Variants in SLC4A10 observed in about 807,000 individuals in gnomAD.
SLC4A10 encodes the protein solute carrier family 4 member 10.
SLC4A10 carries 42 observed loss-of-function variants against 137.7 expected under a neutral mutation model. The ratio of observed to expected loss-of-function variants is 0.30; its 90% confidence interval spans 0.24 to 0.39. The LOEUF is 0.39. Ranked by LOEUF, SLC4A10 falls within the 10% of genes least tolerant of loss-of-function variation. The probability of loss-of-function intolerance (pLI) is 1.00; values close to 1 mark genes in which losing one functional copy is unlikely to be tolerated. For synonymous variants in SLC4A10, 474 were observed against 464.1 expected, an observed-to-expected ratio of 1.02 and a Z score of -0.27; for missense variants, 925 against 1,355.0, an observed-to-expected ratio of 0.68 and a Z score of 4.98.
chr2:161,863,054 A>T lies in SLC4A10; in HGVS notation c.758A>T (p.Asp253Val). 1 of 1,613,734 alleles carries T rather than the reference A, an allele frequency of 6.2e-7. No homozygotes were observed. Among genetic ancestry groups the T allele is most frequent in the Non-Finnish European group, 8.5e-7 (1 of 1,179,710 alleles). ...AAACAGTCAGAACCAAATTCCATGG[A>T]CAAAAATGGTAAATGTTTATTTATT... ...GKKQSEPNSM[D>V]KNAGQVVSPQ... Residue 253 changes from aspartate to valine, a missense_variant, in exon 6 of 27, where the codon GAC (aspartate) becomes GTC (valine). Physicochemically the swap from Asp to Val is radical, Grantham distance 152 (BLOSUM62 -3). This residue lies in a region of SLC4A10 where 277 missense variants were observed against 306.1 expected (regional missense o/e 0.90). Coordinates refer to ENST00000446997, the MANE Select transcript of SLC4A10 (RefSeq NM_001178015.2).
At chr2:161,949,088 C>A in intron 17 of SLC4A10, 60 bp from the exon 18 acceptor site, 2 of 1,057,242 alleles carry the variant, frequency 1.9e-6, no homozygotes, top group South Asian at 1.3e-5. Flanking sequence ...AGATTATGTT[C>A]CTGAGTATTC....
rs75276366 is a variant in SLC4A10 at position 161,779,431 on chromosome 2, A to G, written c.130+8377A>G. Among the ~76,000 whole-genome samples, 946 of 152,122 alleles carry G rather than the reference A, an allele frequency of 6.2e-3. 7 individuals are homozygous for G. The highest frequency in any genetic ancestry group is 0.01 in the Non-Finnish European group (709 of 67,934). ...TAAGTAAAGCACCTAGCACAAAGCT[A>G]TTATACAACATAATTCTATCAATGG... On this transcript the variant is annotated intron_variant, in intron 2 of 26. Transcript: ENST00000446997.
rs569946446 is a variant in SLC4A10, at chr2:161,916,862, G to A, written c.1997+10975G>A. On this transcript the variant is annotated intron_variant, in intron 15 of 26. Coordinates refer to ENST00000446997, the MANE Select transcript of SLC4A10 (RefSeq NM_001178015.2). ...TGTTCAACTCCCTTCTCTCTGTCTCGCCTACCGTATATAATTTACTTATCT... is the reference window on the plus strand; with the variant it reads ...TGTTCAACTCCCTTCTCTCTGTCTCACCTACCGTATATAATTTACTTATCT... Among the ~76,000 whole-genome samples the A allele has an allele frequency of 4.0e-4, 61 of 152,018 alleles. 1 individual carries two copies. In the South Asian group the frequency reaches 9.3e-3, roughly 23 times the overall value.
chr2:161,731,507 A>G (rs1049343360), intron 1 of SLC4A10, among the ~76,000 whole-genome samples: 2 of 152,196 alleles, frequency 1.3e-5, no homozygotes, highest in Admixed American at 6.5e-5. Context: ...AGTTTTCTTC[A>G]TAGCAACACT....
chr2:161,773,560 T>A (rs1358383780), intron 2 of SLC4A10, among the ~76,000 whole-genome samples: 1 of 151,848 alleles, frequency 6.6e-6, no homozygotes, highest in African/African-American at 2.4e-5. Context: ...TGAAAATGAG[T>A]GTTTCTCAGG....
intron 7 of SLC4A10, 147 bp from the exon 8 acceptor site, chr2:161,873,769 G>C (rs1352870793): frequency 2.9e-6 from 2 of 699,770 alleles, no homozygotes. Flanking sequence ...GATTAATAGT[G>C]ATCAGCTCCT....
intron 15 of SLC4A10, among the ~76,000 whole-genome samples, chr2:161,914,098 C>T (rs1686525384): frequency 6.6e-6 from 1 of 152,182 alleles, no homozygotes; most frequent in Non-Finnish European, 1.5e-5. Context: ...TCACCCTGAA[C>T]ACTATTCTTA....
chr2:161,655,252 C>G (rs2037347722), intron 1 of SLC4A10, among the ~76,000 whole-genome samples: 1 of 151,914 alleles, frequency 6.6e-6, no homozygotes, highest in African/African-American at 2.4e-5. Flanking sequence ...TTTATTCTAG[C>G]AGTTTTTTGG....
At chr2:161,950,017 T>C (rs1442113425) in intron 18 of SLC4A10, among the ~76,000 whole-genome samples, 2 of 151,982 alleles carry the variant, frequency 1.3e-5, no homozygotes, top group East Asian at 3.9e-4. Context: ...GACTTCTATA[T>C]AGGGCTCTTG....
intron 1 of SLC4A10, among the ~76,000 whole-genome samples, chr2:161,700,747 A>G (rs537811196): frequency 2.0e-5 from 3 of 152,182 alleles, no homozygotes; most frequent in South Asian, 2.1e-4. Flanking sequence ...TTTAGTCAGT[A>G]TTTGACTCAA....
rs144349388 is a variant in SLC4A10 at position 161,629,088 on chromosome 2, A to G, written c.48+4522A>G. Reference sequence around the variant, plus strand: ...ACGATGGCCCGCAAGTAAATGGAGAAATGTGGATGCCACTCTCAGCCCTTC... The same window carrying G: ...ACGATGGCCCGCAAGTAAATGGAGAGATGTGGATGCCACTCTCAGCCCTTC... On this transcript the variant is annotated intron_variant, in intron 1 of 26. Transcript: ENST00000446997. Among the ~76,000 whole-genome samples, 723 of 152,082 alleles carry G rather than the reference A, an allele frequency of 4.8e-3. 6 individuals carry two copies. Among genetic ancestry groups the G allele is most frequent in the Non-Finnish European group, 7.3e-3 (495 of 67,914 alleles).
intron 15 of SLC4A10, among the ~76,000 whole-genome samples, chr2:161,923,062 C>T (rs1303764120): frequency 2.6e-5 from 4 of 152,204 alleles, no homozygotes. Context: ...TTCCAGAAGA[C>T]AGCCGCAGGC....
chr2:161,778,721 G>C (rs926585193), intron 2 of SLC4A10, among the ~76,000 whole-genome samples: 1 of 151,694 alleles, frequency 6.6e-6, no homozygotes, highest in African/African-American at 2.4e-5. Context: ...TAATGAAAAA[G>C]TTAAAATAAT....
chr2:161,922,429 G>A (rs1390775326), intron 15 of SLC4A10, among the ~76,000 whole-genome samples: 6 of 151,952 alleles, frequency 3.9e-5, no homozygotes, highest in African/African-American at 1.4e-4. Flanking sequence ...ATTCATAAAA[G>A]GATTGTCTCT....
At chr2:161,775,396 A>G (rs1005621509) in intron 2 of SLC4A10, among the ~76,000 whole-genome samples, 1 of 151,946 alleles carries the variant, frequency 6.6e-6, no homozygotes, top group Non-Finnish European at 1.5e-5. Flanking sequence ...CTCCAGGGCT[A>G]TGTTAACTCT....
intron 1 of SLC4A10, among the ~76,000 whole-genome samples, chr2:161,633,815 C>A (rs1433719767): frequency 1.3e-5 from 2 of 151,576 alleles, no homozygotes; most frequent in African/African-American, 4.8e-5. Flanking sequence ...AATCCTTTTC[C>A]TAATAATAAA....
At chr2:161,929,179 CAATAT>C (rs1221737734) in intron 15 of SLC4A10, among the ~76,000 whole-genome samples, 1 of 152,096 alleles carries the variant, frequency 6.6e-6, no homozygotes, top group Non-Finnish European at 1.5e-5. Flanking sequence ...CAGATTCAGA[CAATAT>C]ATTACTAATT....
At chr2:161,759,105 C>T (rs11900490) in intron 1 of SLC4A10, among the ~76,000 whole-genome samples, 1,670 of 151,980 alleles carry the variant, frequency 0.011, 44 homozygotes, top group Admixed American at 0.063. Flanking sequence ...CTTCTTGAAG[C>T]GTATACTTAG....
chr2:161,671,635 A>C (rs1487024994), intron 1 of SLC4A10, among the ~76,000 whole-genome samples: 17 of 152,192 alleles, frequency 1.1e-4, no homozygotes, highest in African/African-American at 4.1e-4. Flanking sequence ...CCTCAGCGTC[A>C]TGCAAAAAGC....
Sources: gnomAD v4.1 joint callset for allele counts (sites outside exome capture counted in the v4.1 genomes callset) on GRCh38, gnomAD v4.1.1 for gene constraint, gnomAD v4.1.1 regional missense constraint, MANE v1.5 for transcripts, NCBI Gene and HGNC (gene_info 2026-07-23, HGNC 2026-07-21) for gene names.